The following MICAL2 variants were observed in gnomAD, a reference collection of about 807,000 sequenced individuals.
The protein encoded by MICAL2 is microtubule associated monooxygenase, calponin and LIM domain containing 2.
MICAL2 carries 77 observed loss-of-function variants against 127.3 expected under a neutral mutation model. That is an observed-to-expected ratio of 0.60 (90% CI 0.50 to 0.73). The LOEUF is 0.73. MICAL2 is among the 30% of genes least tolerant of loss of function. The probability of loss-of-function intolerance (pLI) is 0.00; values close to 1 mark genes in which losing one functional copy is unlikely to be tolerated. For synonymous variants in MICAL2, 570 were observed against 551.1 expected, an observed-to-expected ratio of 1.03 and a Z score of -0.48; for missense variants, 1,351 against 1,434.4, an observed-to-expected ratio of 0.94 and a Z score of 0.94.
At chr11:12,288,415 G>C (rs904873872), downstream of MICAL2, among the ~76,000 whole-genome samples, 7 of 152,352 alleles carry the variant, frequency 4.6e-5, no homozygotes, top group Admixed American at 4.6e-4. Flanking sequence ...CCCAGCCTGG[G>C]GTGAGAGCAG....
intron 32 of MICAL2, among the ~76,000 whole-genome samples, chr11:12,334,074 G>A (rs958428247): frequency 6.6e-6 from 1 of 152,076 alleles, no homozygotes; most frequent in Non-Finnish European, 1.5e-5. Context: ...ATGTTAAGAA[G>A]AATCTTTTTT....
intron 32 of MICAL2, among the ~76,000 whole-genome samples, chr11:12,329,596 T>C (rs1312990792): frequency 1.3e-5 from 2 of 152,122 alleles, no homozygotes; most frequent in African/African-American, 2.4e-5. Context: ...GGTCCTAGAT[T>C]TTTTATCTGA....
intron 3 of MICAL2, among the ~76,000 whole-genome samples, chr11:12,193,122 G>A (rs893788460): frequency 2.0e-5 from 3 of 152,160 alleles, no homozygotes; most frequent in Non-Finnish European, 4.4e-5. Flanking sequence ...CCTCTTTGCA[G>A]GCCTGAATTA....
chr11:12,280,839 C>T (rs1009187061), intron 1 of MICAL2: 38 of 397,720 alleles, frequency 9.6e-5, no homozygotes, highest in Non-Finnish European at 1.4e-4. Context: ...CCCCCAGGTG[C>T]GCTGGAGCAG....
At chr11:12,218,567 C>T (rs542145570) in intron 8 of MICAL2, among the ~76,000 whole-genome samples, 8 of 152,300 alleles carry the variant, frequency 5.3e-5, no homozygotes, top group African/African-American at 1.9e-4. Context: ...TGAGACCTCT[C>T]CCTTCTCTCT....
chr11:12,339,118 A>G (rs887295094), intron 32 of MICAL2, among the ~76,000 whole-genome samples: 1 of 152,114 alleles, frequency 6.6e-6, no homozygotes, highest in Non-Finnish European at 1.5e-5. Context: ...TGGTCTTTTC[A>G]CATAGTCCCA....
At chr11:12,276,352 A>T (rs1863722241) in intron 1 of MICAL2, 2 of 393,324 alleles carry the variant, frequency 5.1e-6, no homozygotes, top group Admixed American at 4.5e-5. Context: ...CAGAATTCAT[A>T]TGTGTTAAGT....
intron 1 of MICAL2, among the ~76,000 whole-genome samples, chr11:12,280,670 A>G (rs1015650294): frequency 2.0e-5 from 3 of 152,162 alleles, no homozygotes; most frequent in African/African-American, 7.2e-5. Context: ...TAACAACCTC[A>G]TTTTACCTTA....
intron 29 of MICAL2, among the ~76,000 whole-genome samples, chr11:12,319,024 G>T (rs1028725507): frequency 6.6e-6 from 1 of 152,188 alleles, no homozygotes; most frequent in Non-Finnish European, 1.5e-5. Context: ...GATAACATCT[G>T]CAAGTTGGGA....
At chr11:12,290,095 C>G (rs946247337), downstream of MICAL2, among the ~76,000 whole-genome samples, 1 of 152,168 alleles carries the variant, frequency 6.6e-6, no homozygotes, top group Non-Finnish European at 1.5e-5. Flanking sequence ...TCACCTCTCT[C>G]CCCAGGCTGT....
At chr11:12,338,025 C>G (rs1252375666) in intron 32 of MICAL2, among the ~76,000 whole-genome samples, 1 of 151,990 alleles carries the variant, frequency 6.6e-6, no homozygotes, top group East Asian at 1.9e-4. Flanking sequence ...GTTTCTGTCT[C>G]GTTGATCTGT....
intron 17 of MICAL2, among the ~76,000 whole-genome samples, chr11:12,240,269 G>A (rs1204835064): frequency 1.3e-5 from 2 of 152,234 alleles, no homozygotes; most frequent in Non-Finnish European, 2.9e-5. Context: ...CGGCTCCGAG[G>A]TCTGTGCCTC....
In MICAL2 at chr11:12,162,176, G is replaced by C; in HGVS notation, c.21G>C (p.Glu7Asp). The C allele has an allele frequency of 1.9e-6, 3 of 1,614,222 alleles. No homozygotes were observed. Among genetic ancestry groups the C allele is most frequent in the Non-Finnish European group, 2.5e-6 (3 of 1,180,046 alleles). MGENED[E>D]KQAQAGQVFE... ...GAACCATGGGGGAAAACGAGGATGA[G>C]AAGCAGGCCCAGGCGGGGCAGGTTT... The change falls in exon 3 of 28, where the codon GAG becomes GAC. Residue 7 changes from glutamate to aspartate, a missense_variant. Coordinates refer to ENST00000683283, the MANE Select transcript of MICAL2 (RefSeq NM_001282663.2).
chr11:12,211,400 CAAAA>C (rs780049887), intron 6 of MICAL2, among the ~76,000 whole-genome samples: 4 of 151,940 alleles, frequency 2.6e-5, no homozygotes, highest in Admixed American at 6.6e-5. Context: ...CAAAACAAAA[CAAAA>C]AAAACCCCAA....
At chr11:12,310,233 C>T (rs1864157618) in intron 29 of MICAL2, among the ~76,000 whole-genome samples, 1 of 152,064 alleles carries the variant, frequency 6.6e-6, no homozygotes, top group Non-Finnish European at 1.5e-5. Flanking sequence ...TGAGGTCCTT[C>T]CCAGAAAAAT....
At chr11:12,139,379 G>A (rs1475410005) in intron 2 of MICAL2, among the ~76,000 whole-genome samples, 1 of 152,204 alleles carries the variant, frequency 6.6e-6, no homozygotes. Flanking sequence ...GGACATGTGA[G>A]CCTTGGCAGG....
At chr11:12,187,882 G>A (rs1435194764) in intron 3 of MICAL2, among the ~76,000 whole-genome samples, 10 of 152,064 alleles carry the variant, frequency 6.6e-5, no homozygotes, top group African/African-American at 1.7e-4. Flanking sequence ...TGGGGTAGGC[G>A]GGTTGTTGAT....
rs1053405583 is a variant in MICAL2, at chr11:12,316,680, T to A, written c.5213-3016T>A. Among the ~76,000 whole-genome samples, 16 of 152,326 alleles carry A rather than the reference T, an allele frequency of 1.1e-4. No homozygotes were observed. In the East Asian group the frequency reaches 2.9e-3, roughly 28 times the overall value. ...CTCTTGATTATCAGACTTGTCCTGC[T>A]TTTTTACATATCTAGTAATTGTTCA... is the stretch of plus-strand genomic sequence containing the variant. On this transcript the variant is annotated intron_variant, in intron 29 of 34. Coordinates refer to the MICAL2 transcript ENST00000646065.
At chr11:12,154,804 G>T (rs1461696138) in intron 2 of MICAL2, among the ~76,000 whole-genome samples, 1 of 152,142 alleles carries the variant, frequency 6.6e-6, no homozygotes, top group African/African-American at 2.4e-5. Flanking sequence ...AGAATAACTT[G>T]AGAGACAATA....
Sources: allele counts gnomAD v4.1 joint callset (sites outside exome capture counted in the v4.1 genomes callset), GRCh38; gene constraint gnomAD v4.1.1; transcripts MANE v1.5; gene names NCBI Gene and HGNC (gene_info 2026-07-23, HGNC 2026-07-21).